DGKH: variants seen among roughly 807,000 people sequenced by gnomAD.
DGKH encodes DAG kinase eta.
DGKH carries 90 observed loss-of-function variants against 159.3 expected under a neutral mutation model. That is an observed-to-expected ratio of 0.57 (90% CI 0.48 to 0.67). The LOEUF (loss-of-function observed/expected upper bound fraction) is 0.67. Among genes scored for constraint, DGKH ranks in the 30% least tolerant of loss-of-function variants. The probability of loss-of-function intolerance (pLI) is 0.00; values close to 1 mark genes in which losing one functional copy is unlikely to be tolerated. For missense variants in DGKH, 1,181 were observed against 1,506.1 expected (o/e 0.78, Z 3.57); for synonymous variants, 536 against 553.8 (o/e 0.97, Z 0.45).
intron 20 of DGKH, among the ~76,000 whole-genome samples, chr13:42,200,812 T>C (rs1490389807): frequency 2.0e-5 from 3 of 152,178 alleles, no homozygotes; most frequent in Admixed American, 2.0e-4. Context: ...GTTTGATTTA[T>C]TATTGCTTAT....
In DGKH at chr13:42,241,711, T is replaced by C. The variant is rs1242688375; in HGVS notation, c.*12523T>C. Reference sequence around the variant, plus strand: ...CTCCATTTGAAGATGTGCGTTGATGTTTCCTTGATTATTTTGAATGAGGAG... The same window carrying C: ...CTCCATTTGAAGATGTGCGTTGATGCTTCCTTGATTATTTTGAATGAGGAG... On this transcript the variant is annotated 3_prime_UTR_variant, in exon 30 of 30. Coordinates refer to ENST00000337343, the MANE Select transcript of DGKH (RefSeq NM_178009.5). 6.6e-6 allele frequency: 1 copy of C among 152,240 alleles called. No homozygotes were observed. The highest frequency in any genetic ancestry group is 2.4e-5 in the African/African-American group (1 of 41,462). 9.4% of individuals were successfully genotyped at this position (152,240 alleles called of 1,614,324 possible). A position where few individuals can be genotyped will look rare whatever the true frequency, so the allele number is the denominator to read the frequency against.
chr13:42,213,898 A>G (rs963780937), intron 24 of DGKH, among the ~76,000 whole-genome samples: 13 of 152,170 alleles, frequency 8.5e-5, no homozygotes, highest in African/African-American at 3.1e-4. Flanking sequence ...TTTGGATACC[A>G]GTGGAGTATG....
chr13:42,184,894 A>G (rs1045892129), intron 13 of DGKH, among the ~76,000 whole-genome samples: 1 of 151,992 alleles, frequency 6.6e-6, no homozygotes, highest in Non-Finnish European at 1.5e-5. Flanking sequence ...TTTTTAAAAA[A>G]AAAGTTCTAA....
intron 29 of DGKH, among the ~76,000 whole-genome samples, 157 bp from the exon 30 acceptor site, chr13:42,228,942 C>A (rs1488690409): frequency 2.0e-5 from 3 of 152,006 alleles, no homozygotes; most frequent in Non-Finnish European, 4.4e-5. Flanking sequence ...AATGAATGAA[C>A]TGAATGCTAA....
At chr13:42,072,391 A>G (rs1019207812) in intron 1 of DGKH, among the ~76,000 whole-genome samples, 1 of 152,218 alleles carries the variant, frequency 6.6e-6, no homozygotes, top group Non-Finnish European at 1.5e-5. Flanking sequence ...GATGATTTGC[A>G]TGAGATAATT....
intron 3 of DGKH, among the ~76,000 whole-genome samples, chr13:42,151,505 G>GTGTA (rs1955884905): frequency 2.5e-5 from 2 of 79,222 alleles, no homozygotes; most frequent in Admixed American, 1.4e-4. Context: ...GTGTGTGTGT[G>GTGTA]TATACACATG....
In DGKH at chr13:42,239,230, T is replaced by TA. The variant is rs1958473395; in HGVS notation, c.*10049dup. ...TACAGATTATAATTGCGCAGCATTT[T>TA]AAAAAAATATACATAATTATGAGGA... On this transcript the variant is annotated 3_prime_UTR_variant, in exon 30 of 30. Transcript: ENST00000337343. 2 of 152,290 alleles carry TA rather than the reference T, an allele frequency of 1.3e-5. No homozygotes were observed. Among genetic ancestry groups the TA allele is most frequent in the South Asian group, 2.1e-4 (1 of 4,826 alleles). The allele number at this position is 152,290 out of a possible 1,614,324, so 9.4% of individuals were successfully genotyped here.
intron 1 of DGKH, among the ~76,000 whole-genome samples, chr13:42,040,987 T>TC (rs1265949133): frequency 5.0e-4 from 74 of 148,916 alleles, no homozygotes; most frequent in Admixed American, 2.8e-3. Context: ...TCTCCTTTGC[T>TC]CCCCCCGCCC....
chr13:42,233,720 A>G lies in DGKH; in HGVS notation c.*4532A>G, dbSNP rs924397446. ...GCCCTCCCTCCACCTCTAAGTCACT[A>G]ACAATCCATGTTTGTTCAGTTTGTT... On this transcript the variant is annotated 3_prime_UTR_variant, in exon 30 of 30. Transcript: ENST00000337343. 3 of 152,240 alleles carry G rather than the reference A, an allele frequency of 2.0e-5. No homozygotes were observed. The highest frequency in any genetic ancestry group is 4.4e-5 in the Non-Finnish European group (3 of 68,054). The allele number at this position is 152,240 out of a possible 1,614,324, so 9.4% of individuals were successfully genotyped here. A position where few individuals can be genotyped will look rare whatever the true frequency, so the allele number is the denominator to read the frequency against.
chr13:42,190,597 G>A, intron 16 of DGKH, 72 bp downstream of exon 16: 1 of 1,435,546 alleles, frequency 7.0e-7, no homozygotes, highest in Admixed American at 2.5e-5. Flanking sequence ...TCAAAAGGCT[G>A]ATCAGTTTGA....
chr13:42,114,447 C>CTT (rs879618138), intron 1 of DGKH, among the ~76,000 whole-genome samples: 35,542 of 151,940 alleles, frequency 0.23, 4,700 homozygotes, highest in African/African-American at 0.35. Flanking sequence ...TTATCTGTGC[C>CTT]AGGAACTCTG....
chr13:42,143,107 AG>A (rs61201541), intron 3 of DGKH, among the ~76,000 whole-genome samples: 53,657 of 151,948 alleles, frequency 0.35, 9,967 homozygotes, highest in Non-Finnish European at 0.42. Context: ...TTTAGCATGA[AG>A]GGTTGTTGAA....
At chr13:42,135,507 A>AAAAACAAAAAAAAAAG (rs71096557) in intron 3 of DGKH, among the ~76,000 whole-genome samples, 1 of 113,404 alleles carries the variant, frequency 8.8e-6, no homozygotes, top group East Asian at 2.3e-4. Context: ...AAAAAAAAAA[A>AAAAACAAAAAAAAAAG]AGAGAGAGAG....
At chr13:42,212,303 A>T (rs1594217136) in intron 24 of DGKH, among the ~76,000 whole-genome samples, 1 of 152,218 alleles carries the variant, frequency 6.6e-6, no homozygotes, top group African/African-American at 2.4e-5. Flanking sequence ...TCAGAATTAG[A>T]ATCAAGTCTT....
intron 1 of DGKH, among the ~76,000 whole-genome samples, chr13:42,067,977 A>G (rs1882702946): frequency 6.6e-6 from 1 of 152,240 alleles, no homozygotes; most frequent in South Asian, 2.1e-4. Flanking sequence ...TCTAACATTC[A>G]TTTTTTTAAA....
chr13:42,090,553 A>G (rs1393826562), intron 1 of DGKH, among the ~76,000 whole-genome samples: 1 of 152,226 alleles, frequency 6.6e-6, no homozygotes, highest in East Asian at 1.9e-4. Context: ...AGACATATAG[A>G]CGAGTGGAAT....
chr13:42,054,591 G>T (rs1436403214), intron 1 of DGKH, among the ~76,000 whole-genome samples: 1 of 152,176 alleles, frequency 6.6e-6, no homozygotes, highest in African/African-American at 2.4e-5. Flanking sequence ...AAGAAGGGGA[G>T]GGTGCTGGGG....
intron 2 of DGKH, 145 bp downstream of exon 2, chr13:42,127,718 C>T: frequency 1.6e-6 from 1 of 633,978 alleles, no homozygotes. Context: ...TATCGGTGAC[C>T]CCATCCCAAG....
rs1333497222 is a variant in DGKH at position 42,221,297 on chromosome 13, G to A, written c.3476G>A (p.Trp1159Ter). Residue 1159 changes from tryptophan to a stop codon, truncating the protein, a stop_gained, in exon 29 of 30, where the codon TGG becomes TAG. Coordinates refer to ENST00000337343, the MANE Select transcript of DGKH (RefSeq NM_178009.5). LOFTEE classifies it high-confidence loss of function. The part of the protein sequence containing the change: ...QKWGTEEVAA[W>*]LDLLNLGEYK... The stretch of plus-strand genomic sequence containing the variant: ...TGGGGCACAGAGGAAGTTGCTGCTT[G>A]GCTGGATCTGCTCAATTTGGGAGAG... The A allele has an allele frequency of 1.2e-6, 2 of 1,613,548 alleles. No homozygotes were observed. Among genetic ancestry groups the A allele is most frequent in the East Asian group, 4.5e-5 (2 of 44,892 alleles).
Sources: allele counts gnomAD v4.1 joint callset (sites outside exome capture counted in the v4.1 genomes callset), GRCh38; gene constraint gnomAD v4.1.1; transcripts MANE v1.5; gene names NCBI Gene and HGNC (gene_info 2026-07-23, HGNC 2026-07-21).